The following ZBBX variants were observed in gnomAD, a reference collection of about 807,000 sequenced individuals.
ZBBX encodes the protein zinc finger B-box domain containing.
ZBBX carries 101 observed loss-of-function variants against 108.5 expected under a neutral mutation model. That is an observed-to-expected ratio of 0.93 (90% CI 0.79 to 1.10). The LOEUF is 1.10. ZBBX is among the 50% of genes least tolerant of loss of function. The probability of loss-of-function intolerance (pLI) is 0.00; values close to 1 mark genes in which losing one functional copy is unlikely to be tolerated. For synonymous variants in ZBBX, 356 were observed against 323.4 expected (o/e 1.10, Z -1.08); for missense variants, 1,009 against 941.4 (o/e 1.07, Z -0.94).
intron 8 of ZBBX, among the ~76,000 whole-genome samples, chr3:167,355,880 G>C (rs1030394644): frequency 1.3e-5 from 2 of 151,878 alleles, no homozygotes; most frequent in African/African-American, 4.8e-5. Context: ...GTGTTTTTCA[G>C]GTAAATCAGC....
intron 10 of ZBBX, among the ~76,000 whole-genome samples, chr3:167,330,868 G>GAAGAAGAAGAAGA (rs1553820652): frequency 3.4e-3 from 149 of 43,280 alleles, no homozygotes; most frequent in Middle Eastern, 0.028. Context: ...GGAGGAGGAG[G>GAAGAAGAAGAAGA]AGGAGAAGAA....
At chr3:167,387,643 A>G (rs2108635414) in intron 1 of ZBBX, among the ~76,000 whole-genome samples, 1 of 152,190 alleles carries the variant, frequency 6.6e-6, no homozygotes, top group East Asian at 1.9e-4. Flanking sequence ...ACGTGGAGAA[A>G]GAGAGAAGAG....
At chr3:167,221,115 T>C in the ZBBX span, among the ~76,000 whole-genome samples, 1 of 151,928 alleles carries the variant, frequency 6.6e-6, no homozygotes, top group African/African-American at 2.4e-5. Context: ...AGAATCAATA[T>C]TGTTACTATG....
chr3:167,242,474 T>C (rs1720849389), intron 21 of ZBBX, 31 bp downstream of exon 21: 4 of 1,570,508 alleles, frequency 2.5e-6, no homozygotes, highest in East Asian at 4.5e-5. Flanking sequence ...CTACATACTA[T>C]ATTAATAAAT....
intron 6 of ZBBX, among the ~76,000 whole-genome samples, chr3:167,362,877 C>T (rs1406669353): frequency 6.6e-6 from 1 of 152,016 alleles, no homozygotes; most frequent in Non-Finnish European, 1.5e-5. Context: ...TCTAGGGTCT[C>T]TTCCACCTGA....
rs966190619 is a variant in ZBBX at position 167,275,436 on chromosome 3, C to A, written c.2254+6802G>T. Among the ~76,000 whole-genome samples the A allele has an allele frequency of 3.3e-5, 5 of 152,254 alleles. No homozygotes were observed. In the East Asian group the frequency reaches 9.7e-4, roughly 30 times the overall value. On this transcript the variant is annotated intron_variant, in intron 20 of 21. Coordinates refer to ENST00000675490, the MANE Select transcript of ZBBX (RefSeq NM_001199201.2). Reference sequence around the variant, plus strand: ...AGTGGGTGCGCGCACTGTGCGCGAGCCGAAGCAGGGCGAGGCATTGCCTCA... The same window carrying A: ...AGTGGGTGCGCGCACTGTGCGCGAGACGAAGCAGGGCGAGGCATTGCCTCA...
chr3:167,341,142 G>T (rs1399719303), intron 9 of ZBBX, among the ~76,000 whole-genome samples: 1 of 151,686 alleles, frequency 6.6e-6, no homozygotes, highest in Non-Finnish European at 1.5e-5. Context: ...TCCTCTAAAG[G>T]TCTGATTTCT....
chr3:167,253,093 C>T (rs188784876), intron 20 of ZBBX, among the ~76,000 whole-genome samples: 1 of 151,978 alleles, frequency 6.6e-6, no homozygotes, highest in Non-Finnish European at 1.5e-5. Flanking sequence ...TTCCTCTAAC[C>T]CCTATTAAAT....
chr3:167,339,686 T>C (rs1430525568), intron 9 of ZBBX, among the ~76,000 whole-genome samples: 14 of 152,270 alleles, frequency 9.2e-5, no homozygotes, highest in Non-Finnish European at 1.9e-4. Context: ...AGTTCCAGGA[T>C]ACATGTGCAG....
chr3:167,386,595 A>G (rs1164472379), intron 1 of ZBBX, among the ~76,000 whole-genome samples: 1 of 152,064 alleles, frequency 6.6e-6, no homozygotes, highest in Admixed American at 6.6e-5. Flanking sequence ...TTATTTTTTA[A>G]TCACTTAAGT....
intron 7 of ZBBX, 141 bp downstream of exon 7, chr3:167,360,534 T>G: frequency 2.3e-6 from 1 of 430,928 alleles, no homozygotes; most frequent in East Asian, 3.9e-5. Flanking sequence ...AAATTTATGT[T>G]GAAAATCAAT....
intron 11 of ZBBX, 46 bp downstream of exon 11, chr3:167,327,896 A>G: frequency 1.3e-6 from 2 of 1,532,640 alleles, no homozygotes; most frequent in Non-Finnish European, 8.7e-7. Flanking sequence ...CCTGGGCAAC[A>G]AAGTGAGACT....
intron 20 of ZBBX, among the ~76,000 whole-genome samples, chr3:167,278,706 C>T (rs1429514008): frequency 1.9e-4 from 29 of 151,290 alleles, no homozygotes; most frequent in South Asian, 4.2e-4. Context: ...TCTGAAACTA[C>T]TCCAATCAAT....
intron 20 of ZBBX, among the ~76,000 whole-genome samples, chr3:167,265,470 C>T (rs1288069421): frequency 6.6e-6 from 1 of 152,138 alleles, no homozygotes; most frequent in Admixed American, 6.5e-5. Flanking sequence ...AGACAAAGCC[C>T]TCCTTACTCT....
At chr3:167,209,356 C>T in the ZBBX span, among the ~76,000 whole-genome samples, 1 of 151,982 alleles carries the variant, frequency 6.6e-6, no homozygotes, top group African/African-American at 2.4e-5. Context: ...GTACTTGTGT[C>T]ACCCCCCTCC....
chr3:167,236,887 G>A (rs1453488546), downstream of ZBBX, among the ~76,000 whole-genome samples: 1 of 151,628 alleles, frequency 6.6e-6, no homozygotes, highest in Non-Finnish European at 1.5e-5. Context: ...GATGCAACGA[G>A]AAACAATGAA....
rs537067674 is a variant in ZBBX at position 167,401,728 on chromosome 3, C to A, written c.-446+5998G>T. 3.0e-4 allele frequency among the ~76,000 whole-genome samples: 45 copies of A among 152,196 alleles called. No individual in the cohort carries two copies. In the South Asian group the frequency reaches 9.0e-3, roughly 30 times the overall value. On this transcript the variant is annotated intron_variant, in intron 1 of 21. Coordinates refer to the ZBBX transcript ENST00000455345. ...AAGTAAACTGTTTTATCAGCAAGGT[C>A]TTTATGACCTGTATCTTCTGCCAAC... is the stretch of plus-strand genomic sequence containing the variant.
the ZBBX span, among the ~76,000 whole-genome samples, chr3:167,189,498 C>T: frequency 6.6e-5 from 10 of 152,166 alleles, no homozygotes; most frequent in Non-Finnish European, 1.5e-5. Flanking sequence ...TGTACACAAA[C>T]ACACACATAC....
At chr3:167,389,760 C>A (rs1020408615) in intron 1 of ZBBX, among the ~76,000 whole-genome samples, 5 of 151,902 alleles carry the variant, frequency 3.3e-5, no homozygotes, top group African/African-American at 1.2e-4. Flanking sequence ...TGTTTTTGGC[C>A]ACACAAATAT....
Sources: gnomAD v4.1 joint callset for allele counts (sites outside exome capture counted in the v4.1 genomes callset) on GRCh38, gnomAD v4.1.1 for gene constraint, MANE v1.5 for transcripts, NCBI Gene and HGNC (gene_info 2026-07-23, HGNC 2026-07-21) for gene names.